The following CNTNAP2 variants were observed in gnomAD, a reference collection of about 807,000 sequenced individuals.
CNTNAP2 encodes the protein contactin-associated protein-like 2.
CNTNAP2 carries 98 observed loss-of-function variants against 155.2 expected under a neutral mutation model. That is an observed-to-expected ratio of 0.63 (90% confidence interval 0.54 to 0.75). The LOEUF is 0.75. Among genes scored for constraint, CNTNAP2 ranks in the 30% least tolerant of loss-of-function variants. The probability of loss-of-function intolerance (pLI) is 0.00; values close to 1 mark genes in which losing one functional copy is unlikely to be tolerated. For synonymous variants in CNTNAP2, 651 were observed against 631.2 expected, an observed-to-expected ratio of 1.03 and a Z score of -0.47; for missense variants, 1,727 against 1,688.1, an observed-to-expected ratio of 1.02 and a Z score of -0.40.
intron 14 of CNTNAP2, among the ~76,000 whole-genome samples, chr7:147,907,105 G>A (rs1799969869): frequency 6.6e-6 from 1 of 151,990 alleles, no homozygotes; most frequent in Admixed American, 6.5e-5. Context: ...CACCCAGGCT[G>A]GAGTGCAGTG....
chr7:147,511,459 A>T (rs1257248034), intron 11 of CNTNAP2, among the ~76,000 whole-genome samples: 6 of 146,954 alleles, frequency 4.1e-5, no homozygotes, highest in Non-Finnish European at 1.5e-5. Flanking sequence ...TTAAAACAAC[A>T]TTTTTTTTTT....
intron 1 of CNTNAP2, among the ~76,000 whole-genome samples, chr7:146,456,147 G>A (rs1324427602): frequency 6.6e-6 from 1 of 152,086 alleles, no homozygotes; most frequent in African/African-American, 2.4e-5. Flanking sequence ...GGAATTCTTG[G>A]CTGGTGTCAG....
At chr7:147,012,890 G>A (rs536515269) in intron 3 of CNTNAP2, among the ~76,000 whole-genome samples, 2 of 152,208 alleles carry the variant, frequency 1.3e-5, no homozygotes, top group South Asian at 4.1e-4. Context: ...TGCTAGTATT[G>A]CAGCCAGTGT....
chr7:146,390,146 T>C (rs144100171), intron 1 of CNTNAP2, among the ~76,000 whole-genome samples: 1 of 152,332 alleles, frequency 6.6e-6, no homozygotes, highest in East Asian at 1.9e-4. Context: ...ACTTTGTTAA[T>C]ATTTTTAAAT....
intron 11 of CNTNAP2, among the ~76,000 whole-genome samples, chr7:147,487,333 A>G (rs1178576086): frequency 6.6e-6 from 1 of 152,206 alleles, no homozygotes; most frequent in East Asian, 1.9e-4. Context: ...TTAATGAATA[A>G]AGAACAAAAA....
chr7:147,090,320 AGC>A (rs1800374300), intron 4 of CNTNAP2, among the ~76,000 whole-genome samples: 1 of 130,932 alleles, frequency 7.6e-6, no homozygotes, highest in Non-Finnish European at 1.5e-5. Flanking sequence ...AGAACATATA[AGC>A]GTGTGTGTGT....
intron 12 of CNTNAP2, among the ~76,000 whole-genome samples, chr7:147,622,475 C>G (rs1463191759): frequency 6.6e-6 from 1 of 151,852 alleles, no homozygotes; most frequent in Admixed American, 6.6e-5. Context: ...AAATTGATAA[C>G]AAGATGAATT....
chr7:146,352,989 C>T (rs529319784), intron 1 of CNTNAP2, among the ~76,000 whole-genome samples: 129 of 152,004 alleles, frequency 8.5e-4, no homozygotes, highest in Middle Eastern at 3.4e-3. Context: ...CTCCTGACCT[C>T]GTGATCTGCC....
At chr7:147,963,248 GAC>G (rs964101437) in intron 14 of CNTNAP2, among the ~76,000 whole-genome samples, 24 of 152,110 alleles carry the variant, frequency 1.6e-4, no homozygotes, top group African/African-American at 5.8e-4. Flanking sequence ...GTGCTATAGA[GAC>G]AAAGAGATAA....
chr7:147,848,200 T>C (rs367713745), intron 13 of CNTNAP2, among the ~76,000 whole-genome samples: 8 of 141,898 alleles, frequency 5.6e-5, no homozygotes, highest in African/African-American at 1.8e-4. Flanking sequence ...CCCAGCCTCG[T>C]TGCCGCCTTG....
At chr7:147,839,283 C>A (rs1798685516) in intron 13 of CNTNAP2, among the ~76,000 whole-genome samples, 1 of 152,160 alleles carries the variant, frequency 6.6e-6, no homozygotes, top group Non-Finnish European at 1.5e-5. Flanking sequence ...TACCCAGGAA[C>A]AACACTTTGC....
At chr7:147,340,289 G>T (rs1795738623) in intron 9 of CNTNAP2, among the ~76,000 whole-genome samples, 1 of 152,274 alleles carries the variant, frequency 6.6e-6, no homozygotes, top group Non-Finnish European at 1.5e-5. Flanking sequence ...CTTAATGTAT[G>T]CTAGAAAGGA....
chr7:148,396,774 C>G (rs905721743), intron 22 of CNTNAP2, among the ~76,000 whole-genome samples: 5 of 152,184 alleles, frequency 3.3e-5, no homozygotes, highest in Non-Finnish European at 7.4e-5. Context: ...GATGCAGATT[C>G]CTAATTCTGC....
chr7:147,116,183 C>G (rs1800986151), intron 5 of CNTNAP2, among the ~76,000 whole-genome samples: 1 of 152,206 alleles, frequency 6.6e-6, no homozygotes, highest in Non-Finnish European at 1.5e-5. Context: ...AGTTGGCAGC[C>G]TGCTGCTTCC....
chr7:146,967,979 G>A (rs13246414), intron 3 of CNTNAP2, among the ~76,000 whole-genome samples: 14,678 of 120,646 alleles, frequency 0.12, 1,203 homozygotes, highest in Non-Finnish European at 0.19. Context: ...TTTGAAATAC[G>A]TCCCATCAAT....
chr7:148,140,398 A>C (rs1805038118), intron 16 of CNTNAP2, among the ~76,000 whole-genome samples: 2 of 150,794 alleles, frequency 1.3e-5, no homozygotes, highest in South Asian at 4.2e-4. Context: ...CTGGCATGGT[A>C]AGGCCCCATC....
At chr7:147,436,481 A>G (rs111545418) in intron 10 of CNTNAP2, among the ~76,000 whole-genome samples, 2,214 of 152,336 alleles carry the variant, frequency 0.015, 51 homozygotes, top group African/African-American at 0.05. Context: ...CTAAAAAACA[A>G]TAAGAAAACA....
intron 3 of CNTNAP2, among the ~76,000 whole-genome samples, chr7:147,014,211 A>G (rs1049836990): frequency 2.6e-5 from 4 of 152,172 alleles, no homozygotes; most frequent in African/African-American, 9.6e-5. Flanking sequence ...GTATTTTCTC[A>G]GCAGGAATTA....
chr7:147,532,635 A>G (rs775980752), intron 11 of CNTNAP2, among the ~76,000 whole-genome samples: 2 of 152,230 alleles, frequency 1.3e-5, no homozygotes, highest in Non-Finnish European at 2.9e-5. Flanking sequence ...TGATGAAGAC[A>G]TACCTGACAC....
Sources: allele counts gnomAD v4.1 joint callset (sites outside exome capture counted in the v4.1 genomes callset), GRCh38; gene constraint gnomAD v4.1.1; transcripts MANE v1.5; gene names NCBI Gene and HGNC (gene_info 2026-07-23, HGNC 2026-07-21).